TMC7: variants seen among roughly 807,000 people sequenced by gnomAD.
TMC7 encodes transmembrane channel like 7.
TMC7 carries 54 observed loss-of-function variants against 82.9 expected under a neutral mutation model. The ratio of observed to expected loss-of-function variants is 0.65; its 90% CI spans 0.52 to 0.82. TMC7 has a LOEUF of 0.82. Among genes scored for constraint, TMC7 ranks in the 40% least tolerant of loss-of-function variants. TMC7 has a pLI of 0.00. For synonymous variants in TMC7, 350 were observed against 337.9 expected, an observed-to-expected ratio of 1.04 and a Z score of -0.39; for missense variants, 820 against 901.2, an observed-to-expected ratio of 0.91 and a Z score of 1.15.
At chr16:18,995,943 C>T (rs918609244) in intron 1 of TMC7, among the ~76,000 whole-genome samples, 1 of 151,986 alleles carries the variant, frequency 6.6e-6, no homozygotes. Flanking sequence ...ATGCCATGAA[C>T]TGGGCTGGGT....
intron 12 of TMC7, among the ~76,000 whole-genome samples, chr16:19,047,843 A>T (rs1961354942): frequency 6.7e-6 from 1 of 149,314 alleles, no homozygotes; most frequent in Non-Finnish European, 1.5e-5. Flanking sequence ...CATCCTGAGT[A>T]GCTGGGATTA....
chr16:19,005,579 T>A (rs1162708063), intron 1 of TMC7, among the ~76,000 whole-genome samples: 14 of 152,156 alleles, frequency 9.2e-5, no homozygotes, highest in Admixed American at 9.2e-4. Flanking sequence ...TGGGGTGGCT[T>A]GGCTGGTGGG....
chr16:19,053,363 T>C (rs1051657136), intron 13 of TMC7, among the ~76,000 whole-genome samples: 6 of 152,120 alleles, frequency 3.9e-5, no homozygotes, highest in Admixed American at 1.3e-4. Flanking sequence ...CCCATGTCCA[T>C]GGACATACTA....
At chr16:19,047,276 C>G (rs1961320348) in intron 12 of TMC7, 27 bp downstream of exon 12, 1 of 1,603,246 alleles carries the variant, frequency 6.2e-7, no homozygotes, top group African/African-American at 1.3e-5. Flanking sequence ...AATGGGGGCT[C>G]ATATACTGGG....
In TMC7 at chr16:18,983,998, AGGCGGC is replaced by A. The variant is rs759500658; in HGVS notation, c.-50_-45del. The A allele has an allele frequency of 3.7e-6, 5 of 1,349,204 alleles. No homozygotes were observed. The highest frequency in any genetic ancestry group is 3.8e-6 in the Non-Finnish European group (4 of 1,052,470). The allele number at this position is 1,349,204 out of a possible 1,614,324, so 83.6% of individuals were successfully genotyped here. On this transcript the variant is annotated 5_prime_UTR_variant, in exon 1 of 16. Coordinates refer to ENST00000304381, the MANE Select transcript of TMC7 (RefSeq NM_024847.4). ...CCGGCTCCGCGAGGGAAGGCCGGGG[AGGCGGC>A]GGCGGCGGCGGCGGCTGGAGAGGGT...
chr16:18,990,194 T>G (rs2038925848), intron 1 of TMC7, among the ~76,000 whole-genome samples: 1 of 152,094 alleles, frequency 6.6e-6, no homozygotes, highest in African/African-American at 2.4e-5. Flanking sequence ...ATTGATCAGT[T>G]AGGATGGGGC....
At chr16:19,010,751 C>CT (rs1959283649) in intron 2 of TMC7, among the ~76,000 whole-genome samples, 2 of 152,122 alleles carry the variant, frequency 1.3e-5, no homozygotes, top group Non-Finnish European at 2.9e-5. Context: ...CCATAGTCGG[C>CT]TGTGGTTGGG....
At chr16:19,004,735 A>T (rs774220392) in intron 1 of TMC7, among the ~76,000 whole-genome samples, 2 of 152,200 alleles carry the variant, frequency 1.3e-5, no homozygotes, top group Non-Finnish European at 2.9e-5. Flanking sequence ...GGTGAAGACT[A>T]CAGCTTTGGG....
intron 1 of TMC7, among the ~76,000 whole-genome samples, chr16:19,000,368 G>A (rs1245071948): frequency 2.0e-5 from 3 of 152,142 alleles, no homozygotes; most frequent in African/African-American, 4.8e-5. Flanking sequence ...TTGGGAGGCT[G>A]AGGCAGGAGA....
intron 5 of TMC7, among the ~76,000 whole-genome samples, chr16:19,023,716 G>A (rs1209488315): frequency 6.6e-6 from 1 of 152,188 alleles, no homozygotes; most frequent in African/African-American, 2.4e-5. Context: ...CAAAGTACTG[G>A]GGTTATAGGC....
chr16:18,988,377 A>C lies in TMC7; in HGVS notation c.67+4247A>C, dbSNP rs2038890780. Among the ~76,000 whole-genome samples the C allele has an allele frequency of 6.0e-5, 9 of 150,122 alleles. No individual in the cohort carries two copies. The South Asian group carries it at 1.9e-3, about 32-fold the overall frequency. The stretch of plus-strand genomic sequence containing the variant: ...ACCATGTTGGCCAGGCTGGTCTCGA[A>C]CTCCTGACCTCAGGTGATCCACCCA... On this transcript the variant is annotated intron_variant, in intron 1 of 15. Transcript: ENST00000304381.
chr16:19,028,686 C>T (rs763163512), intron 5 of TMC7, among the ~76,000 whole-genome samples: 38 of 151,860 alleles, frequency 2.5e-4, no homozygotes, highest in Non-Finnish European at 3.7e-4. Flanking sequence ...GACAGAGTCT[C>T]GCTCTGTTGC....
rs1426429080 is a variant in TMC7, at chr16:19,056,555, A to G, written c.1885A>G (p.Lys629Glu). The G allele has an allele frequency of 6.2e-7, 1 of 1,613,828 alleles. No individual in the cohort carries two copies. Among genetic ancestry groups the G allele is most frequent in the South Asian group, 1.1e-5 (1 of 91,060 alleles). ...TISISRIPSSKACGPFTNFNT... is the reference protein window; with the variant it reads ...TISISRIPSSEACGPFTNFNT... ...GTGTCCTGGCAGCATCCCTTCCTCGAAAGCCTGTGGGCCGTTCACCAACTT... is the reference window on the plus strand; with the variant it reads ...GTGTCCTGGCAGCATCCCTTCCTCGGAAGCCTGTGGGCCGTTCACCAACTT... The change falls in exon 14 of 16, where the codon AAA (lysine) becomes GAA (glutamate). Residue 629 changes from lysine (K) to glutamate (E), a missense_variant. This residue lies in a region of TMC7 where 170 missense variants were observed against 231.3 expected (regional missense o/e 0.74). Transcript: ENST00000304381.
intron 14 of TMC7, among the ~76,000 whole-genome samples, chr16:19,057,488 A>G (rs1961826754): frequency 6.6e-6 from 1 of 152,242 alleles, no homozygotes; most frequent in East Asian, 1.9e-4. Flanking sequence ...AAACCCCAGC[A>G]TAATACAAGA....
At chr16:19,000,424 GCCACTGCA>G (rs1463894497) in intron 1 of TMC7, among the ~76,000 whole-genome samples, 44 of 152,120 alleles carry the variant, frequency 2.9e-4, no homozygotes, top group Admixed American at 1.7e-3. Context: ...CTGAGATTGC[GCCACTGCA>G]CCACTGCACT....
chr16:19,025,784 A>T (rs1183214425), intron 5 of TMC7, among the ~76,000 whole-genome samples: 1 of 150,602 alleles, frequency 6.6e-6, no homozygotes, highest in Non-Finnish European at 1.5e-5. Flanking sequence ...TTGAGACAAG[A>T]TCTGGCTCTG....
chr16:19,023,193 A>T lies in TMC7; in HGVS notation c.709A>T (p.Thr237Ser). ...TTATATCATAGACTTGCTTTCTGGC[A>T]CTGTAAGTATTTAACATAATCCTTT... ...YSYIIDLLSG[T>S]GFLEETSLFY... The change falls in exon 5 of 16, where the codon ACT becomes TCT. Residue 237 changes from threonine to serine, a missense_variant and splice_region_variant. Transcript: ENST00000304381. The T allele has an allele frequency of 6.3e-7, 1 of 1,585,970 alleles. No individual in the cohort carries two copies. Among genetic ancestry groups the T allele is most frequent in the Non-Finnish European group, 8.6e-7 (1 of 1,156,190 alleles).
chr16:19,049,599 T>C (rs1434413390), intron 12 of TMC7: 24 of 985,100 alleles, frequency 2.4e-5, no homozygotes, highest in African/African-American at 5.2e-5. Context: ...AACTTTTTTT[T>C]CCCTTTCCAG....
chr16:19,030,243 G>C lies in TMC7; in HGVS notation c.731G>C (p.Ser244Thr). 1 of 1,611,824 alleles carries C rather than the reference G, an allele frequency of 6.2e-7. No individual in the cohort carries two copies. The highest frequency in any genetic ancestry group is 8.5e-7 in the Non-Finnish European group (1 of 1,179,380). ...TTTCAGGGTTTCCTGGAGGAAACTA[G>C]CCTCTTTTACGGACATTACACCATT... is the stretch of plus-strand genomic sequence containing the variant. ...LSGTGFLEET[S>T]LFYGHYTIDG... is the part of the protein sequence containing the mutation. Residue 244 changes from serine to threonine, a missense_variant, in exon 6 of 16, where the codon AGC (serine) becomes ACC (threonine). Ser to Thr is a moderately conservative substitution (Grantham distance 58). Coordinates refer to ENST00000304381, the MANE Select transcript of TMC7 (RefSeq NM_024847.4).
Sources: allele counts gnomAD v4.1 joint callset (sites outside exome capture counted in the v4.1 genomes callset), GRCh38; gene constraint gnomAD v4.1.1; regional missense constraint gnomAD v4.1.1; transcripts MANE v1.5; gene names NCBI Gene and HGNC (gene_info 2026-07-23, HGNC 2026-07-21).